Variants in RBFOX2 observed in about 807,000 individuals in gnomAD.
The protein encoded by RBFOX2 is RNA binding protein fox-1 homolog 2.
A neutral mutation model predicts 49.1 loss-of-function variants in RBFOX2; 10 were observed. The observed-to-expected ratio is 0.20, with a 90% CI of 0.13 to 0.35. The LOEUF is 0.35. Among genes scored for constraint, RBFOX2 ranks in the 10% least tolerant of loss-of-function variants. The pLI is 1.00. For missense variants in RBFOX2, 323 were observed against 486.9 expected, an observed-to-expected ratio of 0.66 and a Z score of 3.17; for synonymous variants, 183 against 187.4, an observed-to-expected ratio of 0.98 and a Z score of 0.19.
chr22:35,811,481 A>G (rs1037910025), intron 1 of RBFOX2, among the ~76,000 whole-genome samples: 1 of 152,154 alleles, frequency 6.6e-6, no homozygotes, highest in African/African-American at 2.4e-5. Flanking sequence ...CAAAAAAGAC[A>G]TCAGAAGAAA....
upstream of RBFOX2, among the ~76,000 whole-genome samples, chr22:35,841,529 A>G (rs1342194681): frequency 6.6e-6 from 1 of 152,168 alleles, no homozygotes; most frequent in Non-Finnish European, 1.5e-5. Flanking sequence ...AAATAAAACA[A>G]TTTATAAAAT....
At position 35,869,469 on chromosome 22, in the gene RBFOX2, C is replaced by CAAAAAAAAAAAA. The variant is rs35854576; in HGVS notation, c.-33-59477_-33-59466dup. ...CCACCACACCCAGCCAACGGCTGAC[C>CAAAAAAAAAAAA]AAAAAAAAAAAAAAAAAAAAAAAAA... On this transcript the variant is annotated intron_variant, in intron 1 of 13. Transcript: ENST00000359369. Among the ~76,000 whole-genome samples the CAAAAAAAAAAAA allele has an allele frequency of 9.8e-5, 3 of 30,570 alleles. 1 individual carries two copies. Among genetic ancestry groups the CAAAAAAAAAAAA allele is most frequent in the Non-Finnish European group, 2.0e-4 (3 of 15,374 alleles). 20.1% of individuals were successfully genotyped at this position (30,570 alleles called of 152,430 possible).
At chr22:35,790,224 G>A (rs1287430378) in intron 2 of RBFOX2, among the ~76,000 whole-genome samples, 1 of 152,218 alleles carries the variant, frequency 6.6e-6, no homozygotes, top group Non-Finnish European at 1.5e-5. Context: ...GAGCTGACAT[G>A]TATATTCTAG....
intron 4 of RBFOX2, among the ~76,000 whole-genome samples, chr22:35,777,246 A>G (rs1485162121): frequency 3.3e-5 from 5 of 152,144 alleles, no homozygotes; most frequent in Non-Finnish European, 5.9e-5. Context: ...TCCTGACCTC[A>G]GGTGATCCGC....
At chr22:35,902,831 A>G (rs1285915006) in intron 1 of RBFOX2, among the ~76,000 whole-genome samples, 4 of 146,488 alleles carry the variant, frequency 2.7e-5, no homozygotes, top group African/African-American at 1.0e-4. Context: ...AAAAAAAAAA[A>G]TTTAGAGAAG....
At chr22:35,863,620 A>G (rs933876190) in intron 1 of RBFOX2, among the ~76,000 whole-genome samples, 6 of 152,118 alleles carry the variant, frequency 3.9e-5, no homozygotes, top group African/African-American at 7.2e-5. Flanking sequence ...GCAGCAATGT[A>G]GCAGTTGTGG....
chr22:35,815,390 A>G (rs115636524), intron 1 of RBFOX2, among the ~76,000 whole-genome samples: 2 of 152,312 alleles, frequency 1.3e-5, no homozygotes, highest in African/African-American at 4.8e-5. Context: ...CACAGAAATG[A>G]CCCAAAATAT....
intron 7 of RBFOX2, 30 bp downstream of exon 8, chr22:35,761,384 GC>G (rs747812182): frequency 1.2e-6 from 2 of 1,612,842 alleles, no homozygotes; most frequent in South Asian, 2.2e-5. Context: ...CAATTAAATA[GC>G]ACAAGTGGAA....
intron 6 of RBFOX2, 107 bp downstream of exon 7, chr22:35,765,316 C>T (rs1051104590): frequency 1.2e-6 from 1 of 813,058 alleles, no homozygotes; most frequent in Non-Finnish European, 1.9e-6. Flanking sequence ...TACTTCAACA[C>T]AAATCAAACT....
At chr22:35,859,093 C>T (rs976351697) in intron 1 of RBFOX2, among the ~76,000 whole-genome samples, 1 of 152,076 alleles carries the variant, frequency 6.6e-6, no homozygotes, top group Non-Finnish European at 1.5e-5. Context: ...ATAATACACA[C>T]CAAAATACCA....
chr22:35,740,269 T>A (rs971121246), exon 12 of RBFOX2: 1 of 152,406 alleles, frequency 6.6e-6, no homozygotes, highest in South Asian at 2.1e-4. Flanking sequence ...AAAGCAAGTA[T>A]GAAGGAAGTA....
chr22:35,738,740 G>GT (rs1377910657), exon 12 of RBFOX2: 1 of 151,464 alleles, frequency 6.6e-6, no homozygotes, highest in Non-Finnish European at 1.5e-5. Flanking sequence ...AAAGAATGGT[G>GT]TTTCTCTCTT....
intron 9 of RBFOX2, among the ~76,000 whole-genome samples, chr22:35,753,890 C>G (rs1935943224): frequency 7.0e-6 from 1 of 141,988 alleles, no homozygotes; most frequent in Admixed American, 7.8e-5. Context: ...TCAAGTGATT[C>G]TCCTGCCTTG....
At chr22:35,975,228 T>A (rs1335965366) in intron 1 of RBFOX2, among the ~76,000 whole-genome samples, 2 of 152,232 alleles carry the variant, frequency 1.3e-5, no homozygotes, top group Admixed American at 6.5e-5. Context: ...CTATCTTGTA[T>A]GAATTGGTAA....
chr22:36,006,334 C>T lies in RBFOX2; in HGVS notation c.186+21906G>A, dbSNP rs111329362. ...AAGTTGTGTCCATGCGGCACTCAAC[C>T]TGTGGTTCCAAATAGAGGGAAAGTT... On this transcript the variant is annotated intron_variant, in intron 1 of 13. Transcript: ENST00000438146. Among the ~76,000 whole-genome samples the T allele has an allele frequency of 3.1e-3, 479 of 152,284 alleles. 5 individuals are homozygous for T. Among genetic ancestry groups the T allele is most frequent in the African/African-American group, 0.01 (424 of 41,562 alleles).
chr22:35,798,207 T>C (rs1259119825), intron 2 of RBFOX2, among the ~76,000 whole-genome samples: 1 of 152,198 alleles, frequency 6.6e-6, no homozygotes, highest in Non-Finnish European at 1.5e-5. Flanking sequence ...ACTCCCAGCC[T>C]CAGGTGATCC....
chr22:35,922,314 C>T (rs1286768434), intron 1 of RBFOX2, among the ~76,000 whole-genome samples: 4 of 152,318 alleles, frequency 2.6e-5, no homozygotes, highest in Middle Eastern at 3.4e-3. Flanking sequence ...GGCATGGTGG[C>T]TCATGCCTGT....
At position 35,827,146 on chromosome 22, in the gene RBFOX2, T is replaced by C. The variant is rs116386312; in HGVS notation, c.27+13046A>G. ...GTAGATAATCTGATTATCATTTAAA[T>C]AGCAATGACTCAAAGAGTCTAAATA... On this transcript the variant is annotated intron_variant, in intron 1 of 11. Coordinates refer to ENST00000405409, the Ensembl canonical transcript of RBFOX2. Among the ~76,000 whole-genome samples the C allele has an allele frequency of 2.6e-3, 394 of 152,356 alleles. 4 individuals are homozygous for C. Among genetic ancestry groups the C allele is most frequent in the African/African-American group, 9.3e-3 (385 of 41,584 alleles).
chr22:35,801,447 ACT>A (rs533761207), intron 2 of RBFOX2, among the ~76,000 whole-genome samples: 461 of 117,670 alleles, frequency 3.9e-3, no homozygotes, highest in African/African-American at 0.015. Context: ...ACACACACAC[ACT>A]CTCTCTCTCT....
Sources: allele counts gnomAD v4.1 joint callset (sites outside exome capture counted in the v4.1 genomes callset), GRCh38; gene constraint gnomAD v4.1.1; transcripts MANE v1.5; gene names NCBI Gene and HGNC (gene_info 2026-07-23, HGNC 2026-07-21).